The following EPHB1 variants were observed in gnomAD, a reference collection of about 807,000 sequenced individuals.
EPHB1 encodes the protein ephrin type-B receptor 1.
In EPHB1, 30 loss-of-function variants were observed where a neutral mutation model predicts 94.4. That is an observed-to-expected ratio of 0.32 (90% CI 0.24 to 0.43). The LOEUF is 0.43. EPHB1 is among the 20% of genes least tolerant of loss of function. The pLI is 1.00. For synonymous variants in EPHB1, 522 were observed against 489.1 expected (o/e 1.07, Z -0.89); for missense variants, 1,055 against 1,308.3 (o/e 0.81, Z 2.99).
intron 9 of EPHB1, among the ~76,000 whole-genome samples, chr3:135,172,787 G>T (rs1419448160): frequency 6.6e-6 from 1 of 152,190 alleles, no homozygotes; most frequent in Admixed American, 6.5e-5. Flanking sequence ...TTTACAGCGG[G>T]GGCTTATTAA....
At chr3:135,074,972 A>G (rs942591920) in intron 3 of EPHB1, among the ~76,000 whole-genome samples, 16 of 152,152 alleles carry the variant, frequency 1.1e-4, no homozygotes, top group Admixed American at 4.6e-4. Flanking sequence ...CCTCGCTGTA[A>G]TACACCTATC....
intron 1 of EPHB1, among the ~76,000 whole-genome samples, chr3:134,901,238 G>A (rs1368999846): frequency 6.6e-6 from 1 of 151,994 alleles, no homozygotes; most frequent in Admixed American, 6.5e-5. Flanking sequence ...ATTTTCCTGT[G>A]TGTCTCATAA....
chr3:135,130,315 C>T (rs1012589157), intron 4 of EPHB1, among the ~76,000 whole-genome samples: 1 of 152,154 alleles, frequency 6.6e-6, no homozygotes, highest in Non-Finnish European at 1.5e-5. Flanking sequence ...TGACTGGTGA[C>T]TACACAGGTA....
intron 1 of EPHB1, among the ~76,000 whole-genome samples, chr3:134,897,444 A>C (rs1467827886): frequency 6.6e-6 from 1 of 152,174 alleles, no homozygotes; most frequent in Non-Finnish European, 1.5e-5. Flanking sequence ...GGGGTTGGTT[A>C]CATCACACGC....
At chr3:134,975,504 A>G (rs1253520700) in intron 3 of EPHB1, among the ~76,000 whole-genome samples, 1 of 152,200 alleles carries the variant, frequency 6.6e-6, no homozygotes, top group East Asian at 1.9e-4. Flanking sequence ...CTACTCTGGC[A>G]TCAGAGACAG....
chr3:134,800,866 T>C (rs1560238793), intron 1 of EPHB1, among the ~76,000 whole-genome samples: 1 of 152,218 alleles, frequency 6.6e-6, no homozygotes. Flanking sequence ...ACTTTTTAGA[T>C]GAGAAGACTG....
chr3:135,202,692 A>G (rs1443514088), intron 12 of EPHB1, among the ~76,000 whole-genome samples: 1 of 152,256 alleles, frequency 6.6e-6, no homozygotes, highest in African/African-American at 2.4e-5. Flanking sequence ...CGCCAATTAG[A>G]ATGGCAATCA....
intron 12 of EPHB1, among the ~76,000 whole-genome samples, chr3:135,220,424 C>G (rs1241997460): frequency 3.9e-5 from 6 of 151,996 alleles, no homozygotes; most frequent in Non-Finnish European, 8.8e-5. Flanking sequence ...AGGTTCTCAG[C>G]GAAAAGATCC....
chr3:135,113,004 T>C (rs1384470379), intron 4 of EPHB1, among the ~76,000 whole-genome samples: 1 of 152,232 alleles, frequency 6.6e-6, no homozygotes, highest in African/African-American at 2.4e-5. Context: ...AAGAGACTGA[T>C]ATTACCCCGA....
At chr3:134,889,594 A>T (rs1485327198) in intron 1 of EPHB1, among the ~76,000 whole-genome samples, 1 of 151,926 alleles carries the variant, frequency 6.6e-6, no homozygotes, top group Non-Finnish European at 1.5e-5. Flanking sequence ...TGGCATGATA[A>T]TATGTTTTAA....
At chr3:134,985,885 T>A (rs1211845220) in intron 3 of EPHB1, among the ~76,000 whole-genome samples, 1 of 152,134 alleles carries the variant, frequency 6.6e-6, no homozygotes, top group Admixed American at 6.5e-5. Flanking sequence ...TCAGTACAGT[T>A]TAAGCCTGAA....
chr3:135,101,249 T>A (rs7373984), intron 3 of EPHB1, among the ~76,000 whole-genome samples: 39 of 152,054 alleles, frequency 2.6e-4, no homozygotes, highest in Non-Finnish European at 4.1e-4. Flanking sequence ...CTTTATGACC[T>A]AATTTCCGTT....
intron 12 of EPHB1, among the ~76,000 whole-genome samples, chr3:135,206,457 T>G (rs1942903241): frequency 1.3e-5 from 2 of 152,182 alleles, no homozygotes; most frequent in Non-Finnish European, 1.5e-5. Context: ...TTCTGCTCTT[T>G]TAATCTATTT....
At chr3:134,819,968 A>T (rs2036350050) in intron 1 of EPHB1, among the ~76,000 whole-genome samples, 1 of 152,062 alleles carries the variant, frequency 6.6e-6, no homozygotes, top group Non-Finnish European at 1.5e-5. Context: ...CTGATTCCAA[A>T]TTTTTTAGCC....
At chr3:135,071,496 G>A (rs1017223680) in intron 3 of EPHB1, among the ~76,000 whole-genome samples, 1 of 152,196 alleles carries the variant, frequency 6.6e-6, no homozygotes, top group African/African-American at 2.4e-5. Flanking sequence ...GCTCCTGAAG[G>A]CAAGCTGCAG....
intron 3 of EPHB1, among the ~76,000 whole-genome samples, chr3:134,983,697 G>A (rs1934495580): frequency 6.6e-6 from 1 of 152,236 alleles, no homozygotes; most frequent in African/African-American, 2.4e-5. Context: ...TCCATATCAG[G>A]ACCTGGCATC....
At chr3:135,005,274 G>A (rs913261854) in intron 3 of EPHB1, among the ~76,000 whole-genome samples, 2 of 152,104 alleles carry the variant, frequency 1.3e-5, no homozygotes. Context: ...GCTGGTCAGG[G>A]GTCAGGGTCA....
At chr3:134,974,463 G>A (rs962308805) in intron 3 of EPHB1, among the ~76,000 whole-genome samples, 2 of 152,180 alleles carry the variant, frequency 1.3e-5, no homozygotes, top group African/African-American at 4.8e-5. Flanking sequence ...GTGAATTAAT[G>A]CTTGTAAAGT....
intron 4 of EPHB1, among the ~76,000 whole-genome samples, chr3:135,131,298 C>G (rs189803033): frequency 3.0e-4 from 45 of 152,348 alleles, no homozygotes; most frequent in Admixed American, 2.5e-3. Context: ...GCTTTCTGCT[C>G]TAGCTGCTTG....
Sources: allele counts gnomAD v4.1 joint callset (sites outside exome capture counted in the v4.1 genomes callset), GRCh38; gene constraint gnomAD v4.1.1; transcripts MANE v1.5; gene names NCBI Gene and HGNC (gene_info 2026-07-23, HGNC 2026-07-21).